RGPD2: variants seen among roughly 807,000 people sequenced by gnomAD.
RGPD2 encodes the protein RANBP2 like and GRIP domain containing 2.
A neutral mutation model predicts 36.0 loss-of-function variants in RGPD2; 2 were observed. The observed-to-expected ratio is 0.06, with a 90% CI of 0.02 to 0.17. The LOEUF is 0.17. RGPD2 is among the 10% of genes least tolerant of loss of function. RGPD2 has a pLI of 1.00. For synonymous variants in RGPD2, 19 were observed against 163.8 expected, an observed-to-expected ratio of 0.12 and a Z score of 6.75; for missense variants, 40 against 464.3, an observed-to-expected ratio of 0.09 and a Z score of 8.40.
chr2:87,955,194 T>G, the RGPD2 span, among the ~76,000 whole-genome samples: 14 of 128,890 alleles, frequency 1.1e-4, no homozygotes, highest in African/African-American at 4.1e-4. Context: ...TTCTGTATTT[T>G]TAGTAGAGAC....
At chr2:87,944,573 A>G in the RGPD2 span, among the ~76,000 whole-genome samples, 2 of 111,526 alleles carry the variant, frequency 1.8e-5, no homozygotes, top group African/African-American at 9.4e-5. Flanking sequence ...CTGGGGCTGG[A>G]TTTTACTGAT....
At chr2:87,969,238 G>A in the RGPD2 span, among the ~76,000 whole-genome samples, 1 of 143,266 alleles carries the variant, frequency 7.0e-6, no homozygotes, top group South Asian at 2.4e-4. Context: ...ATTTTTAGTA[G>A]AGATGGGGTT....
At chr2:87,985,779 C>A in the RGPD2 span, 9 of 1,610,648 alleles carry the variant, frequency 5.6e-6, no homozygotes, top group Admixed American at 5.0e-5. Context: ...GTTCATGAGA[C>A]AAGTCACAAA....
chr2:87,923,039 TGTTAAA>T, the RGPD2 span, among the ~76,000 whole-genome samples: 2 of 152,138 alleles, frequency 1.3e-5, no homozygotes, highest in African/African-American at 4.8e-5. Flanking sequence ...ATTAGGATTT[TGTTAAA>T]GTTCATACAT....
At chr2:87,959,055 TA>T in the RGPD2 span, among the ~76,000 whole-genome samples, 24 of 23,072 alleles carry the variant, frequency 1.0e-3, 6 homozygotes, top group Admixed American at 1.7e-3. Context: ...TATATATATA[TA>T]TTTTTTTTAA....
At chr2:87,892,453 C>A in the RGPD2 span, among the ~76,000 whole-genome samples, 2 of 151,012 alleles carry the variant, frequency 1.3e-5, no homozygotes, top group African/African-American at 4.9e-5. Flanking sequence ...CATTAGGACA[C>A]ATTAGCAAAA....
the RGPD2 span, among the ~76,000 whole-genome samples, chr2:87,844,559 T>C: frequency 0.039 from 5,715 of 146,370 alleles, no homozygotes; most frequent in East Asian, 0.073. Flanking sequence ...TTTCACGTAA[T>C]TTTAGGTGAC....
At chr2:87,984,629 G>A in the RGPD2 span, among the ~76,000 whole-genome samples, 2 of 147,260 alleles carry the variant, frequency 1.4e-5, no homozygotes, top group Non-Finnish European at 3.0e-5. Flanking sequence ...CAAAAAACAA[G>A]TTTTAAAAAT....
the RGPD2 span, among the ~76,000 whole-genome samples, chr2:87,861,687 A>C: frequency 3.3e-5 from 5 of 151,464 alleles, no homozygotes; most frequent in African/African-American, 1.2e-4. Context: ...ATAGTTTGTC[A>C]TTTTCATAGA....
the RGPD2 span, among the ~76,000 whole-genome samples, chr2:87,875,518 A>T: frequency 6.6e-6 from 1 of 152,324 alleles, no homozygotes; most frequent in Middle Eastern, 3.4e-3. Context: ...ATTGCTTTGC[A>T]TATGTTGAAC....
At chr2:87,864,371 C>G in the RGPD2 span, among the ~76,000 whole-genome samples, 1 of 152,260 alleles carries the variant, frequency 6.6e-6, no homozygotes, top group Admixed American at 6.5e-5. Flanking sequence ...CACAGTGGTT[C>G]CTCTGGTCAC....
the RGPD2 span, among the ~76,000 whole-genome samples, chr2:87,922,392 C>A: frequency 6.8e-6 from 1 of 147,828 alleles, no homozygotes; most frequent in Non-Finnish European, 1.5e-5. Context: ...ATATCTTGGT[C>A]AAATATATTT....
At chr2:87,915,423 ATG>A in the RGPD2 span, among the ~76,000 whole-genome samples, 2 of 141,738 alleles carry the variant, frequency 1.4e-5, no homozygotes, top group Non-Finnish European at 3.0e-5. Flanking sequence ...ATATATGTAT[ATG>A]TATATATGTA....
the RGPD2 span, among the ~76,000 whole-genome samples, chr2:87,842,708 T>G: frequency 1.3e-5 from 2 of 151,882 alleles, no homozygotes; most frequent in South Asian, 2.1e-4. Context: ...TGGAAAAAAC[T>G]ACTTTAAAGT....
intron 6 of RGPD2, among the ~76,000 whole-genome samples, chr2:87,809,135 C>G (rs1277552774): frequency 6.8e-6 from 1 of 147,198 alleles, no homozygotes; most frequent in Non-Finnish European, 1.5e-5. Flanking sequence ...GAAACCCCAT[C>G]TCTACTAAAA....
intron 1 of RGPD2, chr2:87,825,171 C>T (rs907475485): frequency 7.6e-6 from 3 of 392,586 alleles, no homozygotes; most frequent in African/African-American, 6.2e-5. Flanking sequence ...CAGTACTGAT[C>T]ATTCTATTTC....
chr2:87,864,390 C>G, the RGPD2 span, among the ~76,000 whole-genome samples: 1 of 152,250 alleles, frequency 6.6e-6, no homozygotes, highest in Non-Finnish European at 1.5e-5. Flanking sequence ...ACTGGGCCTT[C>G]ATACTTGGAC....
At chr2:87,915,927 AAAG>A in the RGPD2 span, among the ~76,000 whole-genome samples, 1 of 151,502 alleles carries the variant, frequency 6.6e-6, no homozygotes, top group Admixed American at 6.6e-5. Flanking sequence ...AGGTAGAAGA[AAAG>A]AAGGAAGTGA....
the RGPD2 span, among the ~76,000 whole-genome samples, chr2:87,852,749 C>T: frequency 6.6e-6 from 1 of 152,294 alleles, no homozygotes; most frequent in South Asian, 2.1e-4. Context: ...CTCTTAATTT[C>T]TTCAAGTCTC....
Sources: gnomAD v4.1 joint callset for allele counts (sites outside exome capture counted in the v4.1 genomes callset) on GRCh38, gnomAD v4.1.1 for gene constraint, MANE v1.5 for transcripts, NCBI Gene and HGNC (gene_info 2026-07-23, HGNC 2026-07-21) for gene names.